NAV2: variants seen among roughly 807,000 people sequenced by gnomAD.
NAV2 encodes neuron navigator 2, also known as helicase, APC down-regulated 1.
A neutral mutation model predicts 223.2 loss-of-function variants in NAV2; 54 were observed. The ratio of observed to expected loss-of-function variants is 0.24; its 90% CI spans 0.19 to 0.30. The LOEUF (loss-of-function observed/expected upper bound fraction) is 0.30, where lower values mean the gene tolerates loss of function less well. Ranked by LOEUF, NAV2 falls within the 10% of genes least tolerant of loss-of-function variation. The pLI is 1.00. For missense variants in NAV2, 2,806 were observed against 3,147.5 expected (o/e 0.89, Z 2.60); for synonymous variants, 1,279 against 1,239.3 (o/e 1.03, Z -0.67).
At chr11:19,555,413 C>A (rs1258890896) in intron 1 of NAV2, among the ~76,000 whole-genome samples, 2 of 151,984 alleles carry the variant, frequency 1.3e-5, no homozygotes, top group African/African-American at 4.8e-5. Context: ...GACGAACTAG[C>A]CATAAACCAA....
upstream of NAV2, among the ~76,000 whole-genome samples, chr11:19,709,400 G>T (rs1378632591): frequency 6.6e-6 from 1 of 151,760 alleles, no homozygotes; most frequent in Non-Finnish European, 1.5e-5. Context: ...AAATTAGCTG[G>T]GCATGGTGGC....
At chr11:19,929,791 C>G (rs913720368) in intron 6 of NAV2, among the ~76,000 whole-genome samples, 2 of 152,158 alleles carry the variant, frequency 1.3e-5, no homozygotes, top group African/African-American at 2.4e-5. Context: ...TATGCTCCAG[C>G]AGGCTTTAGA....
intron 1 of NAV2, among the ~76,000 whole-genome samples, chr11:19,365,961 C>A (rs577632842): frequency 4.6e-5 from 7 of 152,344 alleles, no homozygotes; most frequent in African/African-American, 1.7e-4. Flanking sequence ...GGAGAGCCAC[C>A]TTTGCCCTTT....
chr11:19,639,389 AG>A lies in NAV2; in HGVS notation c.76-193094del, dbSNP rs1288730274. On this transcript the variant is annotated intron_variant, in intron 1 of 37. Coordinates refer to the NAV2 transcript ENST00000360655. ...CATAGCCCCATGTGGGGGCCCCTGGAGCCCCCTCCACCACCATCACCATAAC... is the reference window on the plus strand; with the variant it reads ...CATAGCCCCATGTGGGGGCCCCTGGACCCCCTCCACCACCATCACCATAAC... Among the ~76,000 whole-genome samples the A allele has an allele frequency of 3.9e-5, 6 of 152,290 alleles. No individual in the cohort carries two copies. The East Asian group carries it at 1.2e-3, about 29-fold the overall frequency.
intron 10 of NAV2, among the ~76,000 whole-genome samples, chr11:19,972,854 G>A (rs2049370680): frequency 6.6e-6 from 1 of 152,124 alleles, no homozygotes; most frequent in African/African-American, 2.4e-5. Context: ...CTCTCAGTAG[G>A]TACTACATAA....
At chr11:19,645,783 A>G (rs530985275) in intron 1 of NAV2, among the ~76,000 whole-genome samples, 13 of 152,190 alleles carry the variant, frequency 8.5e-5, no homozygotes, top group African/African-American at 2.9e-4. Context: ...CCATTACTGC[A>G]ATTGCTTTTG....
rs1405397939 is a variant in NAV2 at position 19,934,244 on chromosome 11, C to A, written c.2000C>A (p.Pro667His). 1.2e-6 allele frequency: 2 copies of A among 1,606,986 alleles called. No homozygotes were observed. Among genetic ancestry groups the A allele is most frequent in the Non-Finnish European group, 1.7e-6 (2 of 1,176,404 alleles). The change falls in exon 7 of 38, where the codon CCC becomes CAC. Residue 667 changes from proline to histidine, a missense_variant. Coordinates refer to ENST00000349880, the MANE Select transcript of NAV2 (RefSeq NM_145117.5). ...LPQPQQQYNH[P>H]NTATVAPFLY... ...CAGCCCCAGCAGCAATACAACCATC[C>A]CAACACTGCCACGGTTGCACCTTTC...
rs370292791 is a variant in NAV2, at chr11:20,092,325, C to A, written c.5772C>A (p.Gly1924=). ...SISASPRQSM[G]LSQHSLNLTE... ...CTGCCTCCCCGAGGCAGTCCATGGG[C>A]CTCTCCCAGCACAGCTTGAACCTCA... The change falls in exon 28 of 38, where the codon GGC becomes GGA. Residue 1924 remains glycine, a synonymous_variant. Transcript: ENST00000349880. The A allele has an allele frequency of 4.3e-6, 7 of 1,614,110 alleles. No individual in the cohort carries two copies. In the East Asian group the frequency reaches 8.9e-5, roughly 21 times the overall value.
chr11:19,958,324 C>T (rs555013410), intron 10 of NAV2, among the ~76,000 whole-genome samples: 126 of 152,236 alleles, frequency 8.3e-4, no homozygotes, highest in Middle Eastern at 3.4e-3. Context: ...GCACTGAGAC[C>T]AAGGGAAATG....
At chr11:20,047,595 T>C (rs1048337710) in intron 14 of NAV2, among the ~76,000 whole-genome samples, 7 of 152,224 alleles carry the variant, frequency 4.6e-5, no homozygotes, top group African/African-American at 1.7e-4. Flanking sequence ...GTCCCTGTCA[T>C]CACTGGAAGT....
At chr11:19,830,515 T>C (rs932913099) in intron 1 of NAV2, among the ~76,000 whole-genome samples, 2 of 152,196 alleles carry the variant, frequency 1.3e-5, no homozygotes, top group African/African-American at 2.4e-5. Flanking sequence ...CTCTGCCACA[T>C]AGAATGAAGA....
chr11:19,786,497 G>A (rs914350180), intron 1 of NAV2, among the ~76,000 whole-genome samples: 1 of 152,230 alleles, frequency 6.6e-6, no homozygotes, highest in African/African-American at 2.4e-5. Flanking sequence ...ATGTGGGGTT[G>A]TTTACTGTAA....
chr11:19,708,013 A>AC (rs2049723712), upstream of NAV2, among the ~76,000 whole-genome samples: 1 of 152,208 alleles, frequency 6.6e-6, no homozygotes, highest in Admixed American at 6.5e-5. Flanking sequence ...ACACATACAT[A>AC]CCCCTCACAC....
intron 1 of NAV2, among the ~76,000 whole-genome samples, chr11:19,426,003 T>C (rs902519372): frequency 6.6e-6 from 1 of 152,110 alleles, no homozygotes; most frequent in Admixed American, 6.5e-5. Flanking sequence ...TTACTGAGAG[T>C]TCTGATTTAG....
intron 1 of NAV2, among the ~76,000 whole-genome samples, chr11:19,815,074 C>CTG (rs997574024): frequency 1.3e-5 from 2 of 152,162 alleles, no homozygotes; most frequent in African/African-American, 4.8e-5. Context: ...AGCAGATATT[C>CTG]TGTGTGGCCC....
At chr11:19,533,928 G>C (rs905206020) in intron 1 of NAV2, among the ~76,000 whole-genome samples, 2 of 132,724 alleles carry the variant, frequency 1.5e-5, no homozygotes, top group Non-Finnish European at 2.9e-5. Flanking sequence ...GGATGGTCTC[G>C]ATCTCCTGAC....
At chr11:19,608,757 C>G (rs2046548881) in intron 1 of NAV2, among the ~76,000 whole-genome samples, 1 of 152,252 alleles carries the variant, frequency 6.6e-6, no homozygotes, top group Non-Finnish European at 1.5e-5. Flanking sequence ...CAAATTACCA[C>G]TAACTCTGTG....
intron 1 of NAV2, chr11:19,351,158 T>A: frequency 3.4e-6 from 3 of 883,902 alleles, no homozygotes; most frequent in Non-Finnish European, 5.4e-6. Context: ...CATGGTGGCT[T>A]GAGATTTGCT....
intron 11 of NAV2, among the ~76,000 whole-genome samples, chr11:20,013,784 C>A (rs1392421447): frequency 6.6e-6 from 1 of 152,144 alleles, no homozygotes; most frequent in Non-Finnish European, 1.5e-5. Context: ...AATGAATTTT[C>A]TTTTGAGAAG....
Sources: allele counts gnomAD v4.1 joint callset (sites outside exome capture counted in the v4.1 genomes callset), GRCh38; gene constraint gnomAD v4.1.1; transcripts MANE v1.5; gene names NCBI Gene and HGNC (gene_info 2026-07-23, HGNC 2026-07-21).